Variants in ALKAL1 observed in about 807,000 individuals in gnomAD.
ALKAL1 encodes the protein AUG-beta.
In ALKAL1, 23 loss-of-function variants were observed where a neutral mutation model predicts 13.5. The observed-to-expected ratio is 1.70, with a 90% CI of 1.23 to 2.41. ALKAL1 has a LOEUF of 2.41. ALKAL1 is among the 30% of genes most tolerant of loss of function. The pLI is 0.00. For missense variants in ALKAL1, 181 were observed against 178.4 expected, an observed-to-expected ratio of 1.01 and a Z score of -0.08; for synonymous variants, 85 against 77.7, an observed-to-expected ratio of 1.09 and a Z score of -0.49.
chr8:52,549,646 A>T (rs1847410126), intron 1 of ALKAL1, among the ~76,000 whole-genome samples: 1 of 152,020 alleles, frequency 6.6e-6, no homozygotes, highest in Non-Finnish European at 1.5e-5. Flanking sequence ...ATATTTTTTT[A>T]AAAATACTAA....
intron 1 of ALKAL1, among the ~76,000 whole-genome samples, chr8:52,547,879 TC>T (rs1847386332): frequency 1.3e-5 from 2 of 152,244 alleles, no homozygotes; most frequent in African/African-American, 2.4e-5. Context: ...TGTTACCATT[TC>T]AACTTGTTTT....
chr8:52,547,226 G>A (rs536081517), intron 1 of ALKAL1, among the ~76,000 whole-genome samples: 6 of 152,320 alleles, frequency 3.9e-5, no homozygotes, highest in African/African-American at 1.4e-4. Context: ...GGCCGGGCAT[G>A]GTGGCTCACG....
At position 52,560,224 on chromosome 8, in the gene ALKAL1, A is replaced by C. The variant is rs116283071; in HGVS notation, c.190+4843T>G. On this transcript the variant is annotated intron_variant, in intron 1 of 4. Coordinates refer to ENST00000358543, the MANE Select transcript of ALKAL1 (RefSeq NM_207413.4). ...AACTCCAAGTAAAACACATTTAATAAAATTTTAATTTTATTAATATGTAAA... is the reference window on the plus strand; with the variant it reads ...AACTCCAAGTAAAACACATTTAATACAATTTTAATTTTATTAATATGTAAA... Among the ~76,000 whole-genome samples, 661 of 152,310 alleles carry C rather than the reference A, an allele frequency of 4.3e-3. 8 individuals are homozygous for C. Among genetic ancestry groups the C allele is most frequent in the African/African-American group, 0.014 (592 of 41,578 alleles).
intron 1 of ALKAL1, among the ~76,000 whole-genome samples, chr8:52,550,688 TG>T (rs755210266): frequency 6.6e-6 from 1 of 152,192 alleles, no homozygotes; most frequent in Non-Finnish European, 1.5e-5. Context: ...CTTCCTTGCC[TG>T]TTCCAGCTCT....
intron 1 of ALKAL1, among the ~76,000 whole-genome samples, chr8:52,559,473 C>A (rs544754003): frequency 1.3e-5 from 2 of 152,080 alleles, no homozygotes; most frequent in Non-Finnish European, 2.9e-5. Flanking sequence ...CAATATGCCA[C>A]CTTTCTCCTC....
At chr8:52,549,905 G>T (rs1428833698) in intron 1 of ALKAL1, among the ~76,000 whole-genome samples, 1 of 152,130 alleles carries the variant, frequency 6.6e-6, no homozygotes, top group Non-Finnish European at 1.5e-5. Context: ...TCACGCCACT[G>T]CACTCCAGCC....
intron 1 of ALKAL1, among the ~76,000 whole-genome samples, chr8:52,551,719 A>C (rs1847433240): frequency 6.6e-6 from 1 of 152,076 alleles, no homozygotes; most frequent in African/African-American, 2.4e-5. Flanking sequence ...TTGAAAAAAT[A>C]AATTATTTAT....
chr8:52,563,941 G>A (rs969772401), intron 1 of ALKAL1, among the ~76,000 whole-genome samples: 6 of 152,342 alleles, frequency 3.9e-5, no homozygotes, highest in Non-Finnish European at 4.4e-5. Context: ...GGTGGCCTCC[G>A]CCCTCTGCAT....
intron 1 of ALKAL1, among the ~76,000 whole-genome samples, chr8:52,549,967 C>A (rs1023086392): frequency 2.0e-5 from 3 of 152,038 alleles, no homozygotes; most frequent in African/African-American, 7.2e-5. Flanking sequence ...CATAAAAATA[C>A]TAAATTAAAA....
intron 1 of ALKAL1, among the ~76,000 whole-genome samples, chr8:52,550,257 T>C (rs1214789093): frequency 6.6e-6 from 1 of 152,212 alleles, no homozygotes; most frequent in African/African-American, 2.4e-5. Context: ...AATTGGTTGC[T>C]TATTATCTTC....
At chr8:52,537,178 C>T (rs1847272816) in intron 4 of ALKAL1, among the ~76,000 whole-genome samples, 1 of 152,088 alleles carries the variant, frequency 6.6e-6, no homozygotes, top group African/African-American at 2.4e-5. Context: ...ATAAACATTT[C>T]TCAAAAGAAG....
intron 1 of ALKAL1, among the ~76,000 whole-genome samples, chr8:52,560,571 G>A (rs1439058940): frequency 1.3e-5 from 2 of 152,200 alleles, no homozygotes; most frequent in African/African-American, 4.8e-5. Flanking sequence ...TAACCAATAT[G>A]TGATTGGAAA....
At chr8:52,552,997 G>A (rs747091128) in intron 1 of ALKAL1, among the ~76,000 whole-genome samples, 8 of 152,156 alleles carry the variant, frequency 5.3e-5, no homozygotes, top group Non-Finnish European at 8.8e-5. Flanking sequence ...CGGTATAAGT[G>A]AGCAACTTGA....
At chr8:52,538,927 T>G (rs1010951308) in intron 3 of ALKAL1, among the ~76,000 whole-genome samples, 3 of 151,928 alleles carry the variant, frequency 2.0e-5, no homozygotes, top group Non-Finnish European at 4.4e-5. Flanking sequence ...ATTTATTTAT[T>G]TATTTAGAAG....
chr8:52,547,257 G>A (rs950380705), intron 1 of ALKAL1, among the ~76,000 whole-genome samples: 4 of 152,130 alleles, frequency 2.6e-5, no homozygotes, highest in Admixed American at 6.5e-5. Flanking sequence ...CAACACTTTG[G>A]GAGGCTGAGG....
chr8:52,549,330 G>C (rs558495012), intron 1 of ALKAL1, among the ~76,000 whole-genome samples: 1 of 151,756 alleles, frequency 6.6e-6, no homozygotes, highest in African/African-American at 2.4e-5. Flanking sequence ...AGTACTGAGA[G>C]AATTATAGAT....
chr8:52,556,645 T>A (rs1370805996), intron 1 of ALKAL1, among the ~76,000 whole-genome samples: 1 of 10,322 alleles, frequency 9.7e-5, no homozygotes, highest in East Asian at 8.2e-3. Context: ...AAACTCTGTC[T>A]CAAAAAAAAA....
chr8:52,538,059 A>G (rs1847279043), intron 4 of ALKAL1, among the ~76,000 whole-genome samples: 3 of 151,416 alleles, frequency 2.0e-5, no homozygotes, highest in Admixed American at 2.0e-4. Context: ...ACTGCACTCC[A>G]GCCTGGCGAC....
At chr8:52,558,758 A>G (rs988360728) in intron 1 of ALKAL1, among the ~76,000 whole-genome samples, 1 of 152,232 alleles carries the variant, frequency 6.6e-6, no homozygotes, top group Non-Finnish European at 1.5e-5. Context: ...ACTGATTTGT[A>G]TAAAGTTTCC....
Sources: gnomAD v4.1 joint callset for allele counts (sites outside exome capture counted in the v4.1 genomes callset) on GRCh38, gnomAD v4.1.1 for gene constraint, MANE v1.5 for transcripts, NCBI Gene and HGNC (gene_info 2026-07-23, HGNC 2026-07-21) for gene names.